Variants in SCHIP1 observed in about 807,000 individuals in gnomAD.
The protein encoded by SCHIP1 is schwannomin interacting protein 1.
In SCHIP1, 8 loss-of-function variants were observed where a neutral mutation model predicts 29.7. The ratio of observed to expected loss-of-function variants is 0.27; its 90% CI spans 0.16 to 0.49. The LOEUF (loss-of-function observed/expected upper bound fraction) is 0.49. Among genes scored for constraint, SCHIP1 ranks in the 20% least tolerant of loss-of-function variants. SCHIP1 has a pLI of 0.99. For synonymous variants in SCHIP1, 76 were observed against 94.9 expected (o/e 0.80, Z 1.16); for missense variants, 193 against 294.6 (o/e 0.66, Z 2.52).
the SCHIP1 span, among the ~76,000 whole-genome samples, chr3:159,279,609 T>C: frequency 1.3e-5 from 2 of 152,154 alleles, no homozygotes; most frequent in Non-Finnish European, 2.9e-5. Context: ...TTCCTGTTGC[T>C]GTAAACCTGG....
the SCHIP1 span, among the ~76,000 whole-genome samples, chr3:159,625,297 G>A: frequency 1.3e-5 from 2 of 152,022 alleles, no homozygotes; most frequent in Non-Finnish European, 2.9e-5. Flanking sequence ...GGGGTTTTGG[G>A]AGGCATAAAT....
chr3:159,454,695 C>T, the SCHIP1 span, among the ~76,000 whole-genome samples: 10 of 152,166 alleles, frequency 6.6e-5, no homozygotes, highest in Non-Finnish European at 1.2e-4. Flanking sequence ...TTTATACCAA[C>T]TCTGGGTCCT....
At chr3:159,536,014 T>C in the SCHIP1 span, among the ~76,000 whole-genome samples, 2 of 152,194 alleles carry the variant, frequency 1.3e-5, no homozygotes, top group African/African-American at 2.4e-5. Flanking sequence ...AATTAAATCA[T>C]TTAAAGTTAT....
At chr3:159,354,358 A>G in the SCHIP1 span, among the ~76,000 whole-genome samples, 3 of 152,200 alleles carry the variant, frequency 2.0e-5, no homozygotes, top group African/African-American at 7.2e-5. Context: ...TCATGATACT[A>G]TATATCTAGA....
the SCHIP1 span, among the ~76,000 whole-genome samples, chr3:159,752,519 G>A: frequency 6.6e-6 from 1 of 152,160 alleles, no homozygotes. Flanking sequence ...AGGCTGTACA[G>A]AAGCATGACA....
At chr3:159,814,628 C>T in the SCHIP1 span, among the ~76,000 whole-genome samples, 8,438 of 152,220 alleles carry the variant, frequency 0.055, 353 homozygotes, top group Non-Finnish European at 0.066. Flanking sequence ...GCACATTTTG[C>T]CGAGTAGGGA....
the SCHIP1 span, among the ~76,000 whole-genome samples, chr3:159,591,868 T>A: frequency 1.7e-3 from 257 of 151,954 alleles, no homozygotes; most frequent in African/African-American, 6.0e-3. Context: ...CAAACCACCA[T>A]GGCACATGTA....
At chr3:159,328,958 T>C in the SCHIP1 span, among the ~76,000 whole-genome samples, 1 of 152,134 alleles carries the variant, frequency 6.6e-6, no homozygotes, top group African/African-American at 2.4e-5. Flanking sequence ...GAATGATATG[T>C]GGATAAAATA....
the SCHIP1 span, among the ~76,000 whole-genome samples, chr3:159,366,818 C>T: frequency 4.6e-5 from 7 of 152,102 alleles, no homozygotes; most frequent in South Asian, 2.1e-4. Flanking sequence ...TCAAAAGATG[C>T]TTTTGATAGG....
At chr3:159,650,882 C>A in the SCHIP1 span, among the ~76,000 whole-genome samples, 1 of 152,162 alleles carries the variant, frequency 6.6e-6, no homozygotes, top group African/African-American at 2.4e-5. Flanking sequence ...CATAAACCAA[C>A]CAGAAAAGCT....
the SCHIP1 span, among the ~76,000 whole-genome samples, chr3:159,679,165 A>C: frequency 6.6e-6 from 1 of 152,166 alleles, no homozygotes; most frequent in Non-Finnish European, 1.5e-5. Context: ...CTTCAAGCCC[A>C]TGTGAAGGTG....
At chr3:159,452,137 CTTTTTT>C in the SCHIP1 span, among the ~76,000 whole-genome samples, 1 of 142,048 alleles carries the variant, frequency 7.0e-6, no homozygotes, top group Non-Finnish European at 1.6e-5. Flanking sequence ...AACATTTCTT[CTTTTTT>C]TTTTTTTTTT....
the SCHIP1 span, among the ~76,000 whole-genome samples, chr3:159,751,824 A>G: frequency 6.6e-6 from 1 of 152,206 alleles, no homozygotes; most frequent in East Asian, 1.9e-4. Context: ...CTGGGATTAC[A>G]GGTGTGAGAC....
chr3:159,716,718 G>A, the SCHIP1 span, among the ~76,000 whole-genome samples: 2 of 152,186 alleles, frequency 1.3e-5, no homozygotes, highest in African/African-American at 4.8e-5. Context: ...ACCCAATACA[G>A]GAGCACCCAG....
chr3:159,496,594 G>T, the SCHIP1 span, among the ~76,000 whole-genome samples: 37 of 152,264 alleles, frequency 2.4e-4, no homozygotes, highest in African/African-American at 8.2e-4. Context: ...TCATTAAAAA[G>T]TCAGGAAACA....
the SCHIP1 span, among the ~76,000 whole-genome samples, chr3:159,779,373 G>A: frequency 1.3e-5 from 2 of 152,088 alleles, no homozygotes; most frequent in Non-Finnish European, 2.9e-5. Flanking sequence ...GTTGCCAATA[G>A]AAGGATGTCC....
the SCHIP1 span, among the ~76,000 whole-genome samples, chr3:159,574,106 C>G: frequency 6.6e-6 from 1 of 152,240 alleles, no homozygotes; most frequent in Non-Finnish European, 1.5e-5. Flanking sequence ...CTGAAGCCTA[C>G]TTCTGTCAAC....
At chr3:159,510,483 T>C in the SCHIP1 span, among the ~76,000 whole-genome samples, 68 of 152,338 alleles carry the variant, frequency 4.5e-4, 1 homozygote, top group African/African-American at 1.4e-3. Flanking sequence ...AAGTCATTCT[T>C]TGTCCAGCTT....
chr3:159,622,656 C>T, the SCHIP1 span, among the ~76,000 whole-genome samples: 116 of 152,226 alleles, frequency 7.6e-4, no homozygotes, highest in African/African-American at 2.7e-3. Flanking sequence ...TGGTGGCTCA[C>T]ACCTGTAATC....
Sources: gnomAD v4.1 joint callset for allele counts (sites outside exome capture counted in the v4.1 genomes callset) on GRCh38, gnomAD v4.1.1 for gene constraint, MANE v1.5 for transcripts, NCBI Gene and HGNC (gene_info 2026-07-23, HGNC 2026-07-21) for gene names.